Variants in LRP1B observed in about 807,000 individuals in gnomAD.
LRP1B encodes low-density lipoprotein receptor-related protein 1B.
In LRP1B, 217 loss-of-function variants were observed where a neutral mutation model predicts 556.6. The ratio of observed to expected loss-of-function variants is 0.39; its 90% confidence interval spans 0.35 to 0.44. LRP1B has a LOEUF of 0.44. LRP1B is among the 20% of genes least tolerant of loss of function. The pLI, the probability that LRP1B is intolerant of heterozygous loss-of-function variation, is 1.00. For synonymous variants in LRP1B, 2,047 were observed against 1,865.8 expected (o/e 1.10, Z -2.50); for missense variants, 5,053 against 5,620.8 (o/e 0.90, Z 3.23).
intron 41 of LRP1B, among the ~76,000 whole-genome samples, chr2:140,662,462 A>G (rs1685130935): frequency 6.6e-6 from 1 of 152,164 alleles, no homozygotes. Context: ...GAAGTGAAGC[A>G]ATTAAATTAC....
At chr2:140,764,808 G>T (rs553131714) in intron 35 of LRP1B, among the ~76,000 whole-genome samples, 1 of 152,020 alleles carries the variant, frequency 6.6e-6, no homozygotes, top group Non-Finnish European at 1.5e-5. Context: ...AGCATCTATC[G>T]TTAACATTAG....
chr2:142,001,746 T>C lies in LRP1B; in HGVS notation c.82+128902A>G, dbSNP rs1702661897. Among the ~76,000 whole-genome samples, 4 of 152,182 alleles carry C rather than the reference T, an allele frequency of 2.6e-5. No homozygotes were observed. The South Asian group carries it at 8.3e-4, about 32-fold the overall frequency. On this transcript the variant is annotated intron_variant, in intron 1 of 90. Coordinates refer to ENST00000389484, the MANE Select transcript of LRP1B (RefSeq NM_018557.3). ...TACTGCAGGCGTGTCCATAATCCAA[T>C]GGTAATACCATTTAAATTTCATACC...
chr2:140,638,354 T>C (rs555931691), intron 41 of LRP1B, among the ~76,000 whole-genome samples: 45 of 152,286 alleles, frequency 3.0e-4, no homozygotes, highest in African/African-American at 1.1e-3. Flanking sequence ...GTAGGTGACT[T>C]TCTTACCCCC....
intron 41 of LRP1B, among the ~76,000 whole-genome samples, chr2:140,692,924 T>C (rs1417557973): frequency 1.3e-5 from 2 of 152,168 alleles, no homozygotes; most frequent in African/African-American, 4.8e-5. Flanking sequence ...ATTTGCACCA[T>C]TAAAATACTT....
chr2:141,849,617 G>A (rs933232030), intron 1 of LRP1B, among the ~76,000 whole-genome samples: 2 of 151,496 alleles, frequency 1.3e-5, no homozygotes, highest in Non-Finnish European at 1.5e-5. Context: ...AGGAAATGAG[G>A]ACTTTTACAT....
At chr2:141,945,128 G>T (rs1327355067) in intron 1 of LRP1B, among the ~76,000 whole-genome samples, 2 of 152,092 alleles carry the variant, frequency 1.3e-5, no homozygotes, top group Non-Finnish European at 2.9e-5. Flanking sequence ...GCAGACAACA[G>T]TTTGTATCTT....
intron 1 of LRP1B, among the ~76,000 whole-genome samples, chr2:141,993,550 T>A (rs549156765): frequency 6.6e-6 from 1 of 152,282 alleles, no homozygotes; most frequent in Admixed American, 6.5e-5. Flanking sequence ...GAAGCTGATA[T>A]CACATGGAGC....
At chr2:141,112,323 A>G (rs1700776663) in intron 7 of LRP1B, among the ~76,000 whole-genome samples, 1 of 152,114 alleles carries the variant, frequency 6.6e-6, no homozygotes, top group Admixed American at 6.5e-5. Flanking sequence ...TCTTTGCTTC[A>G]GCTTTCATAC....
intron 60 of LRP1B, among the ~76,000 whole-genome samples, chr2:140,472,387 C>G (rs930586919): frequency 2.0e-5 from 3 of 151,938 alleles, no homozygotes; most frequent in African/African-American, 7.2e-5. Flanking sequence ...TCATATGTTA[C>G]TATGGTGAAT....
chr2:141,727,326 C>T (rs1010334295), intron 2 of LRP1B, among the ~76,000 whole-genome samples: 1 of 152,108 alleles, frequency 6.6e-6, no homozygotes, highest in Non-Finnish European at 1.5e-5. Context: ...GCCCCAAGGT[C>T]ACGCATTAAG....
intron 3 of LRP1B, among the ~76,000 whole-genome samples, chr2:141,295,746 AACACACACACACACACAC>A (rs376812743): frequency 2.3e-5 from 3 of 130,602 alleles, no homozygotes; most frequent in East Asian, 2.5e-4. Flanking sequence ...TGAGGAGAGA[AACACACACACACACACAC>A]ACACACACAC....
At chr2:141,339,781 T>G (rs1687987959) in intron 3 of LRP1B, among the ~76,000 whole-genome samples, 1 of 152,102 alleles carries the variant, frequency 6.6e-6, no homozygotes, top group Non-Finnish European at 1.5e-5. Flanking sequence ...ATTTATTTAT[T>G]TATTTATTTA....
chr2:141,973,143 A>G lies in LRP1B; in HGVS notation c.82+157505T>C, dbSNP rs369915305. On this transcript the variant is annotated intron_variant, in intron 1 of 90. Coordinates refer to ENST00000389484, the MANE Select transcript of LRP1B (RefSeq NM_018557.3). The stretch of plus-strand genomic sequence containing the variant: ...ATTTCCAGCTATAGTGGGAATTTAC[A>G]TATGAACAGAACAATTGTTAAAAGA... 3.3e-5 allele frequency among the ~76,000 whole-genome samples: 5 copies of G among 151,776 alleles called. No individual in the cohort carries two copies. The East Asian group carries it at 9.7e-4, about 29-fold the overall frequency.
At chr2:140,565,227 T>G (rs1212621034) in intron 43 of LRP1B, among the ~76,000 whole-genome samples, 1 of 95,954 alleles carries the variant, frequency 1.0e-5, no homozygotes, top group Non-Finnish European at 2.5e-5. Context: ...TGCTGAACTT[T>G]TACATGAACA....
intron 65 of LRP1B, among the ~76,000 whole-genome samples, chr2:140,443,112 G>C (rs527386780): frequency 2.0e-5 from 3 of 152,168 alleles, no homozygotes; most frequent in African/African-American, 7.2e-5. Context: ...CCAGGCTGGA[G>C]TTCAGTGACA....
At chr2:141,133,513 ACTTC>A (rs1198994468) in intron 7 of LRP1B, among the ~76,000 whole-genome samples, 31 of 151,974 alleles carry the variant, frequency 2.0e-4, no homozygotes, top group African/African-American at 7.5e-4. Context: ...AATAGGACCT[ACTTC>A]ATAAGTTTAT....
rs70991157 is a variant in LRP1B at position 141,315,882 on chromosome 2, C to CTTTTT, written c.344-61246_344-61242dup. Among the ~76,000 whole-genome samples, 9 of 18,138 alleles carry CTTTTT rather than the reference C, an allele frequency of 5.0e-4. 1 individual carries two copies. Among genetic ancestry groups the CTTTTT allele is most frequent in the African/African-American group, 1.9e-3 (8 of 4,224 alleles). 11.9% of individuals were successfully genotyped at this position (18,138 alleles called of 152,430 possible). On this transcript the variant is annotated intron_variant, in intron 3 of 90. Transcript: ENST00000389484. ...GAAAATCCTCTATCTTTAGTCTGGTCTTTTTTTTTTTTTTTTTTTTTTTTT... is the reference window on the plus strand; with the variant it reads ...GAAAATCCTCTATCTTTAGTCTGGTCTTTTTTTTTTTTTTTTTTTTTTTTTTTTTT...
At chr2:141,575,858 C>A (rs986291371) in intron 2 of LRP1B, among the ~76,000 whole-genome samples, 1 of 152,050 alleles carries the variant, frequency 6.6e-6, no homozygotes, top group African/African-American at 2.4e-5. Flanking sequence ...CTCAACATCA[C>A]TGATCATTAG....
intron 1 of LRP1B, among the ~76,000 whole-genome samples, chr2:141,952,516 T>C (rs530482157): frequency 6.7e-4 from 102 of 152,236 alleles, no homozygotes; most frequent in African/African-American, 2.1e-3. Flanking sequence ...CCTTGGAATA[T>C]TGAACATAGG....
Sources: gnomAD v4.1 joint callset for allele counts (sites outside exome capture counted in the v4.1 genomes callset) on GRCh38, gnomAD v4.1.1 for gene constraint, MANE v1.5 for transcripts, NCBI Gene and HGNC (gene_info 2026-07-23, HGNC 2026-07-21) for gene names.